GNAO1: variants seen among roughly 807,000 people sequenced by gnomAD.
GNAO1 encodes guanine nucleotide-binding protein G(o) subunit alpha.
For missense variants in GNAO1, 166 were observed against 478.7 expected (o/e 0.35, Z 6.10); for synonymous variants, 164 against 180.7 (o/e 0.91, Z 0.74).
intron 3 of GNAO1, among the ~76,000 whole-genome samples, chr16:56,293,153 A>G (rs554013062): frequency 6.6e-6 from 1 of 152,344 alleles, no homozygotes; most frequent in Non-Finnish European, 1.5e-5. Context: ...AAGTCTATGA[A>G]ATGCCTAGCT....
chr16:56,356,412 C>T lies in GNAO1; in HGVS notation c.*338C>T, dbSNP rs3753079. 5,441 of 152,638 alleles carry T rather than the reference C, an allele frequency of 0.036. 331 individuals are homozygous for T. Among genetic ancestry groups the T allele is most frequent in the Admixed American group, 0.16 (2,455 of 15,310 alleles). 9.5% of individuals were successfully genotyped at this position (152,638 alleles called of 1,614,324 possible). On this transcript the variant is annotated 3_prime_UTR_variant, in exon 9 of 9. Transcript: ENST00000262493. ...ACCCATCTGCACCGACGCCTGCCCC[C>T]GTCCCACCTCGCGGCGCAGCCCCTG... is the stretch of plus-strand genomic sequence containing the variant.
chr16:56,317,562 G>A (rs1475899155), intron 3 of GNAO1, among the ~76,000 whole-genome samples: 1 of 152,170 alleles, frequency 6.6e-6, no homozygotes, highest in Non-Finnish European at 1.5e-5. Context: ...ATAGATAGAT[G>A]CCAGGGAAGA....
intron 3 of GNAO1, among the ~76,000 whole-genome samples, chr16:56,285,870 A>G (rs1450288074): frequency 1.3e-5 from 2 of 152,162 alleles, no homozygotes; most frequent in East Asian, 3.9e-4. Context: ...TCTCCCGACT[A>G]TGTCTGGGAC....
intron 3 of GNAO1, among the ~76,000 whole-genome samples, chr16:56,299,633 T>A (rs960537597): frequency 1.5e-4 from 23 of 152,244 alleles, no homozygotes; most frequent in African/African-American, 5.1e-4. Context: ...TCTGAATGAT[T>A]TCTAAAAGCC....
intron 6 of GNAO1, chr16:56,346,120 C>T (rs188703822): frequency 2.0e-6 from 2 of 985,574 alleles, no homozygotes; most frequent in Non-Finnish European, 2.4e-6. Context: ...TGGTTTCTTG[C>T]ACTGCTCTCA....
At chr16:56,259,984 C>T (rs1172594984) in intron 2 of GNAO1, among the ~76,000 whole-genome samples, 3 of 152,168 alleles carry the variant, frequency 2.0e-5, no homozygotes, top group Admixed American at 2.0e-4. Flanking sequence ...TTGAGAACAC[C>T]CATGTTTGAT....
chr16:56,341,093 A>C (rs2037798399), intron 6 of GNAO1: 2 of 890,488 alleles, frequency 2.2e-6, no homozygotes, highest in Non-Finnish European at 3.5e-6. Context: ...TCTGCCACAG[A>C]GAATCCACAC....
chr16:56,202,254 A>T (rs2036288046), intron 2 of GNAO1, among the ~76,000 whole-genome samples: 1 of 152,214 alleles, frequency 6.6e-6, no homozygotes, highest in African/African-American at 2.4e-5. Context: ...GTGTCCATGG[A>T]GTCTGGCAAG....
chr16:56,249,017 C>A (rs184594745), intron 2 of GNAO1, among the ~76,000 whole-genome samples: 20 of 152,208 alleles, frequency 1.3e-4, no homozygotes, highest in African/African-American at 4.3e-4. Context: ...TCTACTAGGC[C>A]GCACAAATTC....
At chr16:56,198,405 G>T (rs2036252767) in intron 2 of GNAO1, among the ~76,000 whole-genome samples, 1 of 152,188 alleles carries the variant, frequency 6.6e-6, no homozygotes, top group African/African-American at 2.4e-5. Context: ...AGAGAGCAGT[G>T]GCTTGTTAAC....
At chr16:56,340,476 G>A (rs927499680) in intron 6 of GNAO1, 16 of 217,786 alleles carry the variant, frequency 7.3e-5, no homozygotes, top group Admixed American at 4.7e-4. Flanking sequence ...AGATGCGTTC[G>A]GTGGTGGTTG....
At chr16:56,239,050 T>A (rs755909863) in intron 2 of GNAO1, among the ~76,000 whole-genome samples, 3 of 152,276 alleles carry the variant, frequency 2.0e-5, no homozygotes, top group Non-Finnish European at 4.4e-5. Flanking sequence ...AGATTTTTCC[T>A]TTTGTGTCCT....
At chr16:56,347,736 C>G in intron 6 of GNAO1, 2 of 984,598 alleles carry the variant, frequency 2.0e-6, no homozygotes, top group Non-Finnish European at 2.4e-6. Flanking sequence ...AGCTCCGAGG[C>G]ACCACTACTG....
At chr16:56,219,671 A>T (rs2036466664) in intron 2 of GNAO1, among the ~76,000 whole-genome samples, 1 of 152,132 alleles carries the variant, frequency 6.6e-6, no homozygotes, top group South Asian at 2.1e-4. Flanking sequence ...ACTTGAACCC[A>T]CATCTTTTGA....
chr16:56,321,563 C>CCCAGAGCATGTGT (rs2037571415), intron 3 of GNAO1, among the ~76,000 whole-genome samples: 1 of 152,180 alleles, frequency 6.6e-6, no homozygotes, highest in African/African-American at 2.4e-5. Flanking sequence ...GTTGGCCAAG[C>CCCAGAGCATGTGT]CCAGAGCATG....
Position 56,315,709 on chromosome 16 carries a change from C to T in GNAO1, c.304-12922C>T, listed in dbSNP as rs535245851. Among the ~76,000 whole-genome samples, 37 of 152,220 alleles carry T rather than the reference C, an allele frequency of 2.4e-4. No individual in the cohort carries two copies. The South Asian group carries it at 6.2e-3, about 26-fold the overall frequency. ...AGAAGCCTTGCTGACATAAAAACCC[C>T]CCTGCCTCTGGGGGCCCAGGACAGG... On this transcript the variant is annotated intron_variant, in intron 3 of 8. Coordinates refer to ENST00000262493, the MANE Select transcript of GNAO1 (RefSeq NM_020988.3).
chr16:56,241,679 G>A lies in GNAO1; in HGVS notation c.162-34252G>A, dbSNP rs1197541989. Reference sequence around the variant, plus strand: ...CAAGCAAATGAAGCATAATGGTATAGGCTATGGCCAAAAATCATGAGGGTA... The same window carrying A: ...CAAGCAAATGAAGCATAATGGTATAAGCTATGGCCAAAAATCATGAGGGTA... On this transcript the variant is annotated intron_variant, in intron 2 of 8. Coordinates refer to ENST00000262493, the MANE Select transcript of GNAO1 (RefSeq NM_020988.3). 2.0e-5 allele frequency among the ~76,000 whole-genome samples: 3 copies of A among 152,190 alleles called. No individual in the cohort carries two copies. The East Asian group carries it at 5.8e-4, about 29-fold the overall frequency.
intron 2 of GNAO1, among the ~76,000 whole-genome samples, chr16:56,244,009 C>G (rs543976688): frequency 6.6e-6 from 1 of 152,282 alleles, no homozygotes; most frequent in African/African-American, 2.4e-5. Context: ...AAATGAGGCA[C>G]AGAGTTTAGA....
intron 3 of GNAO1, among the ~76,000 whole-genome samples, chr16:56,296,492 G>C (rs544268740): frequency 1.3e-5 from 2 of 152,310 alleles, no homozygotes; most frequent in East Asian, 3.9e-4. Flanking sequence ...GGCATGCAGA[G>C]GGGGTCGCTG....
Sources: gnomAD v4.1 joint callset for allele counts (sites outside exome capture counted in the v4.1 genomes callset) on GRCh38, gnomAD v4.1.1 for gene constraint, MANE v1.5 for transcripts, NCBI Gene and HGNC (gene_info 2026-07-23, HGNC 2026-07-21) for gene names.